The following PIGN variants were observed in gnomAD, a reference collection of about 807,000 sequenced individuals.
The protein encoded by PIGN is phosphatidylinositol glycan anchor biosynthesis class N.
Under a neutral mutation model 125.4 loss-of-function variants are expected in PIGN, and 117 were observed. The observed-to-expected ratio is 0.93, with a 90% CI of 0.80 to 1.09. The LOEUF is 1.09. Ranked by LOEUF, PIGN falls within the 50% of genes least tolerant of loss-of-function variation. The probability of loss-of-function intolerance (pLI) is 0.00; values close to 1 mark genes in which losing one functional copy is unlikely to be tolerated. For synonymous variants in PIGN, 392 were observed against 377.8 expected, an observed-to-expected ratio of 1.04 and a Z score of -0.44; for missense variants, 1,075 against 1,094.9, an observed-to-expected ratio of 0.98 and a Z score of 0.26.
At chr18:62,056,961 T>C (rs2031777055) in intron 30 of PIGN, 1 of 152,206 alleles carries the variant, frequency 6.6e-6, no homozygotes, top group South Asian at 2.1e-4. Context: ...TGCCTGATGA[T>C]CTGAGGTAGA....
At chr18:62,052,307 A>T (rs978335608) in intron 30 of PIGN, 10 of 151,020 alleles carry the variant, frequency 6.6e-5, no homozygotes, top group African/African-American at 2.4e-4. Context: ...TGGGGTGTTA[A>T]AGTCTCCCAT....
intron 30 of PIGN, among the ~76,000 whole-genome samples, chr18:62,060,427 T>C (rs1299650894): frequency 1.3e-5 from 2 of 152,204 alleles, no homozygotes; most frequent in Non-Finnish European, 2.9e-5. Flanking sequence ...TGATGGGCGA[T>C]AGAAGCAGGT....
rs770646636 is a variant in PIGN at position 62,042,403 on chromosome 18, C to A, written c.*3453G>T. ...TACAAGGAACCAATGTTCTAAGGGA[C>A]AATCTCTGATAAATGCTGCTGTGTG... On this transcript the variant is annotated 3_prime_UTR_variant, in exon 31 of 31. Coordinates refer to ENST00000640252, the MANE Select transcript of PIGN (RefSeq NM_176787.5). 19 of 152,102 alleles carry A rather than the reference C, an allele frequency of 1.2e-4. No homozygotes were observed. Among genetic ancestry groups the A allele is most frequent in the Admixed American group, 2.6e-4 (4 of 15,252 alleles). The allele number at this position is 152,102 out of a possible 1,614,324, so 9.4% of individuals were successfully genotyped here. A position where few individuals can be genotyped will look rare whatever the true frequency, so the allele number is the denominator to read the frequency against.
chr18:62,179,785 C>A (rs1451110788), intron 1 of PIGN, among the ~76,000 whole-genome samples: 1 of 152,100 alleles, frequency 6.6e-6, no homozygotes, highest in African/African-American at 2.4e-5. Flanking sequence ...AGCCATCTGT[C>A]ATTCTACAAG....
Position 62,045,906 on chromosome 18 carries a change from T to C in PIGN, c.2746A>G (p.Thr916Ala), listed in dbSNP as rs754732184. The C allele has an allele frequency of 6.2e-6, 10 of 1,613,752 alleles. No homozygotes were observed. In the African/African-American group the frequency reaches 1.2e-4, roughly 19 times the overall value. The change falls in exon 31 of 31, where the codon ACA becomes GCA. Residue 916 changes from threonine (T) to alanine (A), a missense_variant. Around this residue, in one of 3 missense-constraint regions of PIGN, gnomAD observed 915 missense variants for 908.7 expected, o/e 1.01. Transcript: ENST00000640252. The part of the protein sequence containing the change: ...VFLNGLAQLL[T>A]TKKLRLCGKP... ...CCACATAGTCTGAGTTTCTTCGTTG[T>C]GAGCAGCTGGGCCAGGCCATTGAGG...
At chr18:62,138,151 A>G (rs1273439739) in intron 14 of PIGN, 92 bp downstream of exon 14, 8 of 1,486,064 alleles carry the variant, frequency 5.4e-6, no homozygotes, top group East Asian at 5.0e-5. Context: ...GGCAAACTGT[A>G]TAAGTAAACT....
Position 62,127,674 on chromosome 18 carries a change from G to GGT in PIGN, c.1172+10568_1172+10569insAC, listed in dbSNP as rs796959635. Among the ~76,000 whole-genome samples the GGT allele has an allele frequency of 2.2e-3, 150 of 67,878 alleles. 1 individual carries two copies. The highest frequency in any genetic ancestry group is 7.7e-3 in the African/African-American group (145 of 18,820). 44.5% of individuals were successfully genotyped at this position (67,878 alleles called of 152,430 possible). A position where few individuals can be genotyped will look rare whatever the true frequency, so the allele number is the denominator to read the frequency against. On this transcript the variant is annotated intron_variant, in intron 14 of 30. Transcript: ENST00000640252. Reference sequence around the variant, plus strand: ...TTGCTTGAACAACTGCAACAGTCTGGTTTTTTTGTGTGTTTTTTTTTTGTT... The same window carrying GGT: ...TTGCTTGAACAACTGCAACAGTCTGGGTTTTTTTTGTGTGTTTTTTTTTTGTT...
intron 23 of PIGN, among the ~76,000 whole-genome samples, chr18:62,036,011 T>C (rs1190489707): frequency 6.6e-6 from 1 of 152,134 alleles, no homozygotes; most frequent in East Asian, 1.9e-4. Context: ...CATTTTCAAA[T>C]GCATTATTCC....
intron 1 of PIGN, among the ~76,000 whole-genome samples, chr18:62,176,428 G>T (rs9960475): frequency 0.77 from 116,447 of 151,886 alleles, 44,792 homozygotes; most frequent in East Asian, 0.91. Flanking sequence ...TTAAAGAAAC[G>T]TCTCCAAATA....
chr18:62,179,899 A>G (rs879309969), intron 1 of PIGN, among the ~76,000 whole-genome samples: 6 of 152,188 alleles, frequency 3.9e-5, no homozygotes, highest in Admixed American at 3.9e-4. Flanking sequence ...TTTCTTTTAT[A>G]AGCTTATTCT....
At position 62,157,742 on chromosome 18, in the gene PIGN, T is replaced by C; in HGVS notation, c.288A>G (p.Pro96=). The C allele has an allele frequency of 6.2e-7, 1 of 1,612,594 alleles. No homozygotes were observed. The highest frequency in any genetic ancestry group is 8.5e-7 in the Non-Finnish European group (1 of 1,179,150). Residue 96 remains proline, a synonymous_variant, in exon 5 of 31, where the codon CCA becomes CCG. Coordinates refer to ENST00000640252, the MANE Select transcript of PIGN (RefSeq NM_176787.5). ...ACCCAGCTATCAGAGCTACATGACCTGGCCGAGATTCTGTTGGCACACGTG... is the reference window on the plus strand; with the variant it reads ...ACCCAGCTATCAGAGCTACATGACCCGGCCGAGATTCTGTTGGCACACGTG... ...SHTRVPTESR[P]GHVALIAGFY...
intron 1 of PIGN, among the ~76,000 whole-genome samples, chr18:62,185,368 T>C (rs28590411): frequency 0.012 from 1,773 of 152,312 alleles, 24 homozygotes; most frequent in East Asian, 0.05. Context: ...CATTAAAACA[T>C]TGGGAACTAA....
chr18:62,140,452 G>T lies in PIGN; in HGVS notation c.991C>A (p.Leu331Ile). 1 of 1,556,364 alleles carries T rather than the reference G, an allele frequency of 6.4e-7. No individual in the cohort carries two copies. Among genetic ancestry groups the T allele is most frequent in the South Asian group, 1.2e-5 (1 of 85,118 alleles). ...QADIAPLMTS[L>I]IGVPFPLNSV... ...TTAAGAGGAAAGGGAACTCCAATAA[G>T]GGAAGTCATCAATGGTGCAATATCA... The change falls in exon 12 of 31, where the codon CTT (leucine) becomes ATT (isoleucine). Residue 331 changes from leucine (L) to isoleucine (I), a missense_variant. By Grantham distance (5) the Leu-to-Ile change is conservative. This residue lies in a region of PIGN where 915 missense variants were observed against 908.7 expected (regional missense o/e 1.01). Transcript: ENST00000640252.
At chr18:62,130,346 G>T (rs11152330) in intron 14 of PIGN, among the ~76,000 whole-genome samples, 45,607 of 151,936 alleles carry the variant, frequency 0.3, 7,945 homozygotes, top group East Asian at 0.55. Context: ...ACTATTTGTT[G>T]TTCATTTTCC....
chr18:62,104,730 A>G (rs1307584737), intron 20 of PIGN, among the ~76,000 whole-genome samples: 3 of 152,214 alleles, frequency 2.0e-5, no homozygotes, highest in Non-Finnish European at 4.4e-5. Flanking sequence ...ATTTAAAAAT[A>G]TATACCATTA....
intron 21 of PIGN, among the ~76,000 whole-genome samples, chr18:62,101,775 T>C (rs1159188638): frequency 6.6e-6 from 1 of 152,220 alleles, no homozygotes; most frequent in East Asian, 1.9e-4. Context: ...AGTTTTGCTT[T>C]TTGTGTGTGG....
At chr18:62,075,261 A>T (rs2033111233) in intron 28 of PIGN, 1 of 153,566 alleles carries the variant, frequency 6.5e-6, no homozygotes, top group African/African-American at 2.4e-5. Context: ...CAGCACAAAG[A>T]TCTCTCATGA....
chr18:62,129,256 T>C (rs1049858757), intron 14 of PIGN, among the ~76,000 whole-genome samples: 6 of 152,186 alleles, frequency 3.9e-5, no homozygotes, highest in African/African-American at 1.4e-4. Flanking sequence ...TCTTTCCCTC[T>C]CTCAGAGAGC....
intron 6 of PIGN, among the ~76,000 whole-genome samples, chr18:62,156,666 T>C (rs1384690096): frequency 6.6e-6 from 1 of 152,162 alleles, no homozygotes; most frequent in Admixed American, 6.5e-5. Context: ...CTACTAACTT[T>C]TAAAATAATT....
Sources: allele counts gnomAD v4.1 joint callset (sites outside exome capture counted in the v4.1 genomes callset), GRCh38; gene constraint gnomAD v4.1.1; regional missense constraint gnomAD v4.1.1; transcripts MANE v1.5; gene names NCBI Gene and HGNC (gene_info 2026-07-23, HGNC 2026-07-21).